The following RAB3GAP1 variants were observed in gnomAD, a reference collection of about 807,000 sequenced individuals.
RAB3GAP1 encodes RAB3 GTPase activating protein catalytic subunit 1, also known as rab3 GTPase-activating protein catalytic subunit.
Under a neutral mutation model 130.7 loss-of-function variants are expected in RAB3GAP1, and 86 were observed. That is an observed-to-expected ratio of 0.66 (90% CI 0.55 to 0.79). The LOEUF (loss-of-function observed/expected upper bound fraction) is 0.79. RAB3GAP1 is among the 30% of genes least tolerant of loss of function. The pLI is 0.00. For synonymous variants in RAB3GAP1, 367 were observed against 401.7 expected, an observed-to-expected ratio of 0.91 and a Z score of 1.03; for missense variants, 1,029 against 1,169.4, an observed-to-expected ratio of 0.88 and a Z score of 1.75.
At chr2:135,135,231 C>G in intron 15 of RAB3GAP1, 34 bp from the exon 16 acceptor site, 1 of 1,560,342 alleles carries the variant, frequency 6.4e-7, no homozygotes, top group Non-Finnish European at 8.8e-7. Context: ...TTTACTAAAA[C>G]TAAGCTTTCT....
intron 5 of RAB3GAP1, among the ~76,000 whole-genome samples, chr2:135,105,187 C>G (rs1404610538): frequency 1.4e-5 from 2 of 145,488 alleles, no homozygotes; most frequent in Admixed American, 6.8e-5. Context: ...CTCCCTCTCC[C>G]TCTCCCTCTC....
chr2:135,168,116 C>T (rs1003160609), intron 23 of RAB3GAP1, among the ~76,000 whole-genome samples: 3 of 152,090 alleles, frequency 2.0e-5, no homozygotes, highest in African/African-American at 4.8e-5. Context: ...TAAAAAGAAT[C>T]GATTAAAAAA....
intron 3 of RAB3GAP1, among the ~76,000 whole-genome samples, chr2:135,069,077 G>A (rs1213132114): frequency 6.6e-6 from 1 of 152,208 alleles, no homozygotes; most frequent in Admixed American, 6.5e-5. Context: ...TACAGAGGGT[G>A]TAATTTGGTA....
Position 135,166,096 on chromosome 2 carries a change from C to T in RAB3GAP1, c.2709+1400C>T, listed in dbSNP as rs922865320. Among the ~76,000 whole-genome samples, 8 of 150,928 alleles carry T rather than the reference C, an allele frequency of 5.3e-5. No homozygotes were observed. The South Asian group carries it at 1.3e-3, about 24-fold the overall frequency. ...CTGAGGCAGGAGAATCACTTGAACC[C>T]GAGAGGCAGAGGTTACAGTGAGCTG... On this transcript the variant is annotated intron_variant, in intron 23 of 23. Coordinates refer to ENST00000264158, the MANE Select transcript of RAB3GAP1 (RefSeq NM_012233.3).
chr2:135,151,913 A>G (rs908840751), intron 18 of RAB3GAP1, among the ~76,000 whole-genome samples: 3 of 152,208 alleles, frequency 2.0e-5, no homozygotes, highest in Admixed American at 6.5e-5. Context: ...CCATGGAAAC[A>G]TACTACTCCT....
intron 17 of RAB3GAP1, among the ~76,000 whole-genome samples, chr2:135,142,228 T>G (rs1385447617): frequency 6.6e-6 from 1 of 152,220 alleles, no homozygotes; most frequent in Non-Finnish European, 1.5e-5. Flanking sequence ...GTGTTTTAGT[T>G]TTCAATGTAG....
In RAB3GAP1 at chr2:135,135,870, T is replaced by C. The variant is rs569300127; in HGVS notation, c.1861T>C (p.Tyr621His). ...AAATTTAAGGCCGGAAGGACGGCTC[T>C]ATCAGCATGGGAAACTTACACTGCT... is the stretch of plus-strand genomic sequence containing the variant. ...MANLRPEGRL[Y>H]QHGKLTLLHN... The change falls in exon 17 of 24, where the codon TAT (tyrosine) becomes CAT (histidine). Residue 621 changes from tyrosine to histidine, a missense_variant. Coordinates refer to ENST00000264158, the MANE Select transcript of RAB3GAP1 (RefSeq NM_012233.3). The C allele has an allele frequency of 6.2e-7, 1 of 1,614,126 alleles. No individual in the cohort carries two copies. Among genetic ancestry groups the C allele is most frequent in the African/African-American group, 1.3e-5 (1 of 75,072 alleles).
intron 17 of RAB3GAP1, among the ~76,000 whole-genome samples, chr2:135,146,938 A>G (rs916932328): frequency 6.6e-6 from 1 of 151,688 alleles, no homozygotes; most frequent in African/African-American, 2.4e-5. Context: ...TACATTCAGT[A>G]TGTTGATTAT....
Position 135,052,328 on chromosome 2 carries a change from G to C in RAB3GAP1, c.18+3G>C, listed in dbSNP as rs374426728. ...TCAAGATGGCTGCCGACAGTGAGGTGATTTCTTTGCTCCCTACTTAATCCT... is the reference window on the plus strand; with the variant it reads ...TCAAGATGGCTGCCGACAGTGAGGTCATTTCTTTGCTCCCTACTTAATCCT... On this transcript the variant is annotated splice_donor_region_variant and intron_variant, in intron 1 of 23. Coordinates refer to ENST00000264158, the MANE Select transcript of RAB3GAP1 (RefSeq NM_012233.3). 148 of 1,613,938 alleles carry C rather than the reference G, an allele frequency of 9.2e-5. No homozygotes were observed. Among genetic ancestry groups the C allele is most frequent in the Non-Finnish European group, 1.2e-4 (142 of 1,180,042 alleles).
chr2:135,056,762 C>T (rs1417189841), intron 2 of RAB3GAP1, among the ~76,000 whole-genome samples: 2 of 152,116 alleles, frequency 1.3e-5, no homozygotes, highest in East Asian at 3.8e-4. Context: ...TGACCTCCCC[C>T]ATGAATTAGT....
intron 3 of RAB3GAP1, among the ~76,000 whole-genome samples, chr2:135,072,851 G>C (rs1689517448): frequency 1.3e-5 from 2 of 152,184 alleles, no homozygotes; most frequent in Admixed American, 1.3e-4. Flanking sequence ...ACATGTTGCT[G>C]TGTGAGCCTG....
chr2:135,097,216 CT>C (rs11396739), intron 5 of RAB3GAP1, among the ~76,000 whole-genome samples: 289 of 139,818 alleles, frequency 2.1e-3, no homozygotes, highest in Non-Finnish European at 2.3e-3. Context: ...GTCCTTCCCA[CT>C]TTTTTTTTTT....
intron 6 of RAB3GAP1, among the ~76,000 whole-genome samples, chr2:135,113,522 A>G (rs546181985): frequency 1.3e-5 from 2 of 152,334 alleles, no homozygotes; most frequent in East Asian, 3.9e-4. Context: ...ACTGAGTCCC[A>G]GCCAGTCACA....
At chr2:135,091,153 T>C (rs747905211) in intron 4 of RAB3GAP1, 23 bp downstream of exon 4, 3 of 1,534,278 alleles carry the variant, frequency 2.0e-6, no homozygotes, top group Admixed American at 3.4e-5. Flanking sequence ...TATATAATAA[T>C]ATTAACTTCT....
chr2:135,093,705 T>C lies in RAB3GAP1; in HGVS notation c.362+12T>C. ...TGCCTGGTAAGATGGTAGGTATATC[T>C]TTTACTCAGTATCTTTTAGTATGTG... On this transcript the variant is annotated intron_variant, in intron 5 of 23. Transcript: ENST00000264158. 1 of 1,584,556 alleles carries C rather than the reference T, an allele frequency of 6.3e-7. No individual in the cohort carries two copies. The highest frequency in any genetic ancestry group is 8.7e-7 in the Non-Finnish European group (1 of 1,153,134).
intron 19 of RAB3GAP1, chr2:135,162,331 T>G (rs978366027): frequency 3.8e-6 from 2 of 527,262 alleles, no homozygotes; most frequent in Non-Finnish European, 6.7e-6. Context: ...TTGTGTGTAT[T>G]ACATAAGAAA....
chr2:135,161,485 T>A (rs1692463477), intron 19 of RAB3GAP1, among the ~76,000 whole-genome samples: 1 of 152,148 alleles, frequency 6.6e-6, no homozygotes. Context: ...TATTTAAGGC[T>A]ACATATGTGA....
At chr2:135,139,556 A>G (rs566913991) in intron 17 of RAB3GAP1, among the ~76,000 whole-genome samples, 3 of 152,044 alleles carry the variant, frequency 2.0e-5, no homozygotes, top group African/African-American at 4.8e-5. Context: ...TTAAAAAAAA[A>G]AAAAATAAAA....
At chr2:135,143,123 A>G in intron 17 of RAB3GAP1, among the ~76,000 whole-genome samples, 1 of 152,156 alleles carries the variant, frequency 6.6e-6, no homozygotes, top group Middle Eastern at 3.4e-3. Context: ...GATTTCTTTA[A>G]TAGATAAAAA....
Sources: gnomAD v4.1 joint callset for allele counts (sites outside exome capture counted in the v4.1 genomes callset) on GRCh38, gnomAD v4.1.1 for gene constraint, MANE v1.5 for transcripts, NCBI Gene and HGNC (gene_info 2026-07-23, HGNC 2026-07-21) for gene names.